Variants in SIPA1L1 observed in about 807,000 individuals in gnomAD.
SIPA1L1 encodes signal-induced proliferation-associated 1-like protein 1.
A neutral mutation model predicts 162.7 loss-of-function variants in SIPA1L1; 26 were observed. The ratio of observed to expected loss-of-function variants is 0.16; its 90% confidence interval spans 0.12 to 0.22. SIPA1L1 has a LOEUF of 0.22. SIPA1L1 is among the 10% of genes least tolerant of loss of function. The probability of loss-of-function intolerance (pLI) is 1.00; values close to 1 mark genes in which losing one functional copy is unlikely to be tolerated. For missense variants in SIPA1L1, 1,874 were observed against 2,241.0 expected, an observed-to-expected ratio of 0.84 and a Z score of 3.31; for synonymous variants, 829 against 837.4, an observed-to-expected ratio of 0.99 and a Z score of 0.17.
intron 2 of SIPA1L1, among the ~76,000 whole-genome samples, chr14:71,372,233 A>C (rs544216048): frequency 4.0e-4 from 61 of 152,258 alleles, no homozygotes; most frequent in African/African-American, 1.4e-3. Context: ...CCAGGAAGCA[A>C]TTGGGTGGTA....
intron 2 of SIPA1L1, among the ~76,000 whole-genome samples, chr14:71,382,448 A>G (rs1190952011): frequency 6.6e-6 from 1 of 152,270 alleles, no homozygotes; most frequent in Non-Finnish European, 1.5e-5. Context: ...GAAAGATAAC[A>G]AAAGCCTAAA....
intron 8 of SIPA1L1, among the ~76,000 whole-genome samples, chr14:71,656,388 T>C (rs1415245667): frequency 1.3e-5 from 2 of 150,834 alleles, no homozygotes; most frequent in Non-Finnish European, 3.0e-5. Flanking sequence ...GAAACACATG[T>C]ATAAGTACAC....
chr14:71,725,019 C>A (rs1050184028), intron 19 of SIPA1L1, among the ~76,000 whole-genome samples, 184 bp downstream of exon 19: 3 of 152,224 alleles, frequency 2.0e-5, no homozygotes, highest in Non-Finnish European at 4.4e-5. Context: ...TCTGTCCCTG[C>A]AGCCACATCT....
intron 2 of SIPA1L1, among the ~76,000 whole-genome samples, chr14:71,347,108 C>T (rs903057813): frequency 9.3e-5 from 14 of 149,998 alleles, no homozygotes; most frequent in East Asian, 1.9e-4. Context: ...CACGCCACTA[C>T]GTCTGGGTAA....
intron 4 of SIPA1L1, 97 bp from the exon 5 acceptor site, chr14:71,587,474 A>G: frequency 2.5e-6 from 1 of 398,988 alleles, no homozygotes; most frequent in Non-Finnish European, 4.4e-6. Context: ...CTAATCCATT[A>G]TTGAGTCTTT....
At chr14:71,346,381 G>T (rs903068293) in intron 2 of SIPA1L1, among the ~76,000 whole-genome samples, 1 of 152,160 alleles carries the variant, frequency 6.6e-6, no homozygotes, top group Non-Finnish European at 1.5e-5. Context: ...AATTCATGCT[G>T]AGAACTTTGG....
intron 10 of SIPA1L1, among the ~76,000 whole-genome samples, chr14:71,667,252 C>G (rs141364049): frequency 2.0e-5 from 3 of 152,100 alleles, no homozygotes; most frequent in Non-Finnish European, 4.4e-5. Flanking sequence ...ACACATTCCC[C>G]TTTCCCTCCA....
chr14:71,648,948 A>G (rs979974039), intron 7 of SIPA1L1, among the ~76,000 whole-genome samples: 4 of 152,212 alleles, frequency 2.6e-5, no homozygotes, highest in Non-Finnish European at 4.4e-5. Context: ...TCATCTGTCA[A>G]ACAGGGGTAA....
At chr14:71,326,408 C>T (rs2033810715) in intron 2 of SIPA1L1, among the ~76,000 whole-genome samples, 1 of 151,940 alleles carries the variant, frequency 6.6e-6, no homozygotes, top group African/African-American at 2.4e-5. Flanking sequence ...AGGGTTTCGC[C>T]ATGTTGGCCA....
At chr14:71,376,055 T>C (rs1052382121) in intron 2 of SIPA1L1, among the ~76,000 whole-genome samples, 4 of 152,172 alleles carry the variant, frequency 2.6e-5, no homozygotes, top group African/African-American at 9.7e-5. Context: ...CCTTATAAAA[T>C]GAGTTGGGCT....
At chr14:71,534,304 G>T (rs2053700500) in intron 4 of SIPA1L1, among the ~76,000 whole-genome samples, 1 of 152,102 alleles carries the variant, frequency 6.6e-6, no homozygotes. Flanking sequence ...GTAAATGGAG[G>T]GGCATGAAAG....
chr14:71,571,528 G>A (rs763216890), intron 4 of SIPA1L1, among the ~76,000 whole-genome samples: 13 of 152,050 alleles, frequency 8.5e-5, no homozygotes, highest in Non-Finnish European at 1.8e-4. Flanking sequence ...GACTATTTTG[G>A]GCTGCTCAGT....
At position 71,480,928 on chromosome 14, in the gene SIPA1L1, AT is replaced by A. The variant is rs1165731914; in HGVS notation, c.-464-31813del. On this transcript the variant is annotated intron_variant, in intron 2 of 23. Coordinates refer to ENST00000381232, the MANE Select transcript of SIPA1L1 (RefSeq NM_001386936.1). Reference sequence around the variant, plus strand: ...CTTGCTTTTCCTTTCTACTAAAAAAATTAACAATTTAAAGTGAGCATTTTAA... The same window carrying A: ...CTTGCTTTTCCTTTCTACTAAAAAAATAACAATTTAAAGTGAGCATTTTAA... Among the ~76,000 whole-genome samples, 5 of 152,354 alleles carry A rather than the reference AT, an allele frequency of 3.3e-5. No homozygotes were observed. The East Asian group carries it at 9.6e-4, about 29-fold the overall frequency.
At chr14:71,528,080 C>G (rs1293238489) in intron 3 of SIPA1L1, among the ~76,000 whole-genome samples, 1 of 152,130 alleles carries the variant, frequency 6.6e-6, no homozygotes, top group African/African-American at 2.4e-5. Context: ...ATATTAAAAG[C>G]AATTCCAGCA....
intron 4 of SIPA1L1, among the ~76,000 whole-genome samples, chr14:71,560,751 G>A (rs2056722809): frequency 6.6e-6 from 1 of 152,188 alleles, no homozygotes; most frequent in Non-Finnish European, 1.5e-5. Flanking sequence ...TTAGTTAATG[G>A]ACTGTGTCTT....
intron 2 of SIPA1L1, among the ~76,000 whole-genome samples, chr14:71,489,662 C>T (rs1268726568): frequency 2.0e-5 from 3 of 147,886 alleles, no homozygotes; most frequent in African/African-American, 7.5e-5. Flanking sequence ...TCTCAGGCCA[C>T]GCATAAAGTA....
intron 2 of SIPA1L1, among the ~76,000 whole-genome samples, chr14:71,392,791 T>G (rs2040869373): frequency 1.3e-5 from 2 of 152,196 alleles, no homozygotes; most frequent in Non-Finnish European, 2.9e-5. Flanking sequence ...TCTCGGCCTC[T>G]CAAAGTGCAG....
At position 71,724,745 on chromosome 14, in the gene SIPA1L1, T is replaced by G; in HGVS notation, c.4524T>G (p.Pro1508=). The change falls in exon 19 of 24, where the codon CCT becomes CCG. Residue 1508 remains proline (P), a synonymous_variant. Transcript: ENST00000381232. ...CAACCAGAGACCTCCGGGCATCTCC[T>G]AAGCCAACCTCCAAGTCCACCATTG... ...RASTRDLRAS[P]KPTSKSTIEE... 2 of 1,614,168 alleles carry G rather than the reference T, an allele frequency of 1.2e-6. No individual in the cohort carries two copies. The highest frequency in any genetic ancestry group is 1.7e-6 in the Non-Finnish European group (2 of 1,180,028).
At position 71,729,860 on chromosome 14, in the gene SIPA1L1, G is replaced by A. The variant is rs536665895; in HGVS notation, c.4615-195G>A. On this transcript the variant is annotated intron_variant, in intron 19 of 23. Transcript: ENST00000381232. The stretch of plus-strand genomic sequence containing the variant: ...AGCACTGATAGACTGCAGGCAGCAT[G>A]CCAGGCTAAGGAATAATGACCAGGA... Among the ~76,000 whole-genome samples, 36 of 152,346 alleles carry A rather than the reference G, an allele frequency of 2.4e-4. 2 individuals are homozygous for A. In the South Asian group the frequency reaches 7.5e-3, roughly 32 times the overall value.
Sources: allele counts gnomAD v4.1 joint callset (sites outside exome capture counted in the v4.1 genomes callset), GRCh38; gene constraint gnomAD v4.1.1; transcripts MANE v1.5; gene names NCBI Gene and HGNC (gene_info 2026-07-23, HGNC 2026-07-21).